Variants in HMCN1 observed in about 807,000 individuals in gnomAD.
The protein encoded by HMCN1 is hemicentin-1.
Under a neutral mutation model 625.9 loss-of-function variants are expected in HMCN1, and 321 were observed. The ratio of observed to expected loss-of-function variants is 0.51; its 90% CI spans 0.47 to 0.56. The LOEUF (loss-of-function observed/expected upper bound fraction) is 0.56. HMCN1 is among the 20% of genes least tolerant of loss of function. The pLI, the probability that HMCN1 is intolerant of heterozygous loss-of-function variation, is 0.00. For missense variants in HMCN1, 6,588 were observed against 6,887.3 expected, an observed-to-expected ratio of 0.96 and a Z score of 1.54; for synonymous variants, 2,425 against 2,417.6, an observed-to-expected ratio of 1.00 and a Z score of -0.09.
At position 186,112,830 on chromosome 1, in the gene HMCN1, A is replaced by G; in HGVS notation, c.11008A>G (p.Ile3670Val). The change falls in exon 72 of 107, where the codon ATC becomes GTC. Residue 3670 changes from isoleucine (I) to valine (V), a missense_variant. Around this residue, in one of 3 missense-constraint regions of HMCN1, gnomAD observed 4,628 missense variants for 4,853.1 expected, o/e 0.95. Transcript: ENST00000271588. ...ERLQATPRVR[I>V]LSGGRYLQIN... ...AATCCAGGCAACACCTCGAGTGCGA[A>G]TCCTATCTGGAGGGAGATACTTGCA... 6.2e-7 allele frequency: 1 copy of G among 1,614,184 alleles called. No homozygotes were observed. The highest frequency in any genetic ancestry group is 8.5e-7 in the Non-Finnish European group (1 of 1,180,008).
At chr1:185,980,846 G>A in intron 16 of HMCN1, 132 bp from the exon 17 acceptor site, 1 of 748,362 alleles carries the variant, frequency 1.3e-6, no homozygotes, top group Non-Finnish European at 2.5e-6. Context: ...GTGATGGCTG[G>A]TTTCTGTGTA....
chr1:186,080,995 G>A (rs1659137271), intron 55 of HMCN1, among the ~76,000 whole-genome samples: 1 of 152,142 alleles, frequency 6.6e-6, no homozygotes, highest in African/African-American at 2.4e-5. Flanking sequence ...TCTAGCATAA[G>A]TGAAGAGAGG....
At chr1:186,144,483 CGAT>C in intron 90 of HMCN1, 47 bp from the exon 91 acceptor site, 1 of 1,612,882 alleles carries the variant, frequency 6.2e-7, no homozygotes, top group Non-Finnish European at 8.5e-7. Context: ...GAGTGTAACA[CGAT>C]GGTTCCTAGG....
At chr1:186,098,045 A>C (rs1358271971) in intron 68 of HMCN1, among the ~76,000 whole-genome samples, 1 of 152,272 alleles carries the variant, frequency 6.6e-6, no homozygotes, top group East Asian at 1.9e-4. Flanking sequence ...GTATACAAAA[A>C]TCAACTCAAA....
At chr1:185,850,618 C>A (rs1194848512) in intron 2 of HMCN1, among the ~76,000 whole-genome samples, 1 of 152,056 alleles carries the variant, frequency 6.6e-6, no homozygotes, top group Non-Finnish European at 1.5e-5. Flanking sequence ...CCTCCCTCCA[C>A]CCTCTGGAAT....
intron 4 of HMCN1, among the ~76,000 whole-genome samples, chr1:185,892,417 C>T: frequency 6.6e-6 from 1 of 151,682 alleles, no homozygotes; most frequent in African/African-American, 2.4e-5. Flanking sequence ...TTTTTCTGTT[C>T]TGTTTTTTCC....
At chr1:185,871,796 C>T (rs1431578499) in intron 4 of HMCN1, among the ~76,000 whole-genome samples, 2 of 152,150 alleles carry the variant, frequency 1.3e-5, no homozygotes, top group African/African-American at 2.4e-5. Flanking sequence ...ACAGCCTCTT[C>T]CCGCTATTTT....
intron 20 of HMCN1, among the ~76,000 whole-genome samples, chr1:185,987,852 C>T (rs185643155): frequency 6.7e-6 from 1 of 149,176 alleles, no homozygotes; most frequent in Non-Finnish European, 1.5e-5. Flanking sequence ...GGATAAAGCC[C>T]TGGTCCAAAA....
chr1:185,751,206 G>A (rs1654792120), intron 1 of HMCN1, among the ~76,000 whole-genome samples: 1 of 152,128 alleles, frequency 6.6e-6, no homozygotes, highest in Non-Finnish European at 1.5e-5. Flanking sequence ...TTTCAGGGAT[G>A]ACATACAAAT....
chr1:185,842,600 C>T (rs1020825884), intron 1 of HMCN1, among the ~76,000 whole-genome samples: 8 of 149,898 alleles, frequency 5.3e-5, no homozygotes, highest in Non-Finnish European at 1.0e-4. Flanking sequence ...CATGGTAGCT[C>T]ATACCTGTGG....
At chr1:185,882,780 CA>C (rs1193500297) in intron 4 of HMCN1, among the ~76,000 whole-genome samples, 1 of 151,946 alleles carries the variant, frequency 6.6e-6, no homozygotes. Flanking sequence ...TTCAACTCTT[CA>C]AAGATTATAA....
chr1:186,116,245 A>G (rs1051837760), intron 75 of HMCN1, among the ~76,000 whole-genome samples: 2 of 152,238 alleles, frequency 1.3e-5, no homozygotes, highest in Admixed American at 1.3e-4. Context: ...AATATGTTTT[A>G]TTAATGTTTT....
rs1660084862 is a variant in HMCN1, at chr1:186,095,441, C to T, written c.10493C>T (p.Thr3498Ile). ...GMVLQLLKAETEDSGKYTCIA... is the reference protein window; with the variant it reads ...GMVLQLLKAEIEDSGKYTCIA... Reference sequence around the variant, plus strand: ...GTCCTGCAGCTCCTCAAAGCAGAGACTGAAGATTCGGGAAAGTACACCTGC... The same window carrying T: ...GTCCTGCAGCTCCTCAAAGCAGAGATTGAAGATTCGGGAAAGTACACCTGC... The change falls in exon 68 of 107, where the codon ACT (threonine) becomes ATT (isoleucine). Residue 3498 changes from threonine to isoleucine, a missense_variant. Physicochemically the swap from Thr to Ile is moderately conservative, Grantham distance 89. Around this residue, in one of 3 missense-constraint regions of HMCN1, gnomAD observed 4,628 missense variants for 4,853.1 expected, o/e 0.95. Coordinates refer to ENST00000271588, the MANE Select transcript of HMCN1 (RefSeq NM_031935.3). 1 of 1,613,592 alleles carries T rather than the reference C, an allele frequency of 6.2e-7. No individual in the cohort carries two copies. Among genetic ancestry groups the T allele is most frequent in the African/African-American group, 1.3e-5 (1 of 74,868 alleles).
At chr1:185,948,223 A>G (rs11586768) in intron 11 of HMCN1, among the ~76,000 whole-genome samples, 6,341 of 152,276 alleles carry the variant, frequency 0.042, 315 homozygotes, top group African/African-American at 0.11. Context: ...TCAGTTTCTC[A>G]TGTAGCATTG....
At chr1:186,059,277 G>T (rs934459560) in intron 46 of HMCN1, among the ~76,000 whole-genome samples, 6 of 152,000 alleles carry the variant, frequency 3.9e-5, no homozygotes, top group Non-Finnish European at 8.8e-5. Flanking sequence ...GGTTACCAAA[G>T]CCTAAACACA....
chr1:185,989,209 G>A (rs556262376), intron 20 of HMCN1, among the ~76,000 whole-genome samples: 39 of 151,794 alleles, frequency 2.6e-4, no homozygotes, highest in African/African-American at 7.7e-4. Flanking sequence ...GGGTTTCACC[G>A]TGGTCTCGAT....
rs1270835300 is a variant in HMCN1 at position 186,108,995 on chromosome 1, A to C, written c.10989+398A>C. Among the ~76,000 whole-genome samples, 4 of 152,276 alleles carry C rather than the reference A, an allele frequency of 2.6e-5. No individual in the cohort carries two copies. The East Asian group carries it at 7.7e-4, about 29-fold the overall frequency. ...TCTTTTACTGAATTTCCCTTGTCTA[A>C]GCTTGGACCTTACAAGTGACCCCAA... On this transcript the variant is annotated intron_variant, in intron 71 of 106. Coordinates refer to ENST00000271588, the MANE Select transcript of HMCN1 (RefSeq NM_031935.3).
intron 2 of HMCN1, among the ~76,000 whole-genome samples, chr1:185,856,101 G>A (rs772214058): frequency 3.3e-5 from 5 of 152,170 alleles, no homozygotes; most frequent in Non-Finnish European, 7.3e-5. Flanking sequence ...TTGATTCAAT[G>A]TAATTTAATG....
At chr1:185,911,039 A>G (rs1343396020) in intron 5 of HMCN1, among the ~76,000 whole-genome samples, 3 of 152,250 alleles carry the variant, frequency 2.0e-5, no homozygotes, top group Admixed American at 2.0e-4. Context: ...ATGCTACTTC[A>G]TTGCACTGCC....
Sources: gnomAD v4.1 joint callset for allele counts (sites outside exome capture counted in the v4.1 genomes callset) on GRCh38, gnomAD v4.1.1 for gene constraint, gnomAD v4.1.1 regional missense constraint, MANE v1.5 for transcripts, NCBI Gene and HGNC (gene_info 2026-07-23, HGNC 2026-07-21) for gene names.